The following BCAS3 variants were observed in gnomAD, a reference collection of about 807,000 sequenced individuals.
BCAS3 encodes the protein BCAS3 microtubule associated cell migration factor, also known as BCAS4/BCAS3 fusion.
A neutral mutation model predicts 116.1 loss-of-function variants in BCAS3; 53 were observed. The ratio of observed to expected loss-of-function variants is 0.46; its 90% CI spans 0.37 to 0.57. The LOEUF is 0.57. Among genes scored for constraint, BCAS3 ranks in the 20% least tolerant of loss-of-function variants. The probability of loss-of-function intolerance (pLI) is 0.00; values close to 1 mark genes in which losing one functional copy is unlikely to be tolerated. For synonymous variants in BCAS3, 391 were observed against 408.2 expected, an observed-to-expected ratio of 0.96 and a Z score of 0.51; for missense variants, 917 against 1,165.4, an observed-to-expected ratio of 0.79 and a Z score of 3.10.
At position 61,220,961 on chromosome 17, in the gene BCAS3, A is replaced by G. The variant is rs976899435; in HGVS notation, c.2425+136397A>G. On this transcript the variant is annotated intron_variant, in intron 22 of 23. Coordinates refer to ENST00000407086, the MANE Select transcript of BCAS3 (RefSeq NM_017679.5). This position sits in a 1 kb window ranked among gnomAD's most constrained non-coding sequence, Gnocchi z 4.5. ...TAAAAATACAAAAAATTAGCTGGGC[A>G]TGGTGGCGGGCGCCTGTAGTCCCAG... 6.6e-5 allele frequency among the ~76,000 whole-genome samples: 10 copies of G among 152,222 alleles called. No homozygotes were observed. Among genetic ancestry groups the G allele is most frequent in the Admixed American group, 2.0e-4 (3 of 15,292 alleles).
At chr17:61,090,900 A>G (rs2073504159) in intron 22 of BCAS3, among the ~76,000 whole-genome samples, 1 of 151,972 alleles carries the variant, frequency 6.6e-6, no homozygotes, top group South Asian at 2.1e-4. Flanking sequence ...CGCGATCCAC[A>G]TGCCTCGGCC....
At chr17:61,291,825 C>T (rs1455035601) in intron 22 of BCAS3, among the ~76,000 whole-genome samples, 15 of 152,036 alleles carry the variant, frequency 9.9e-5, no homozygotes, top group South Asian at 2.1e-4. Flanking sequence ...GGTGTGTGCC[C>T]ACTTGCAAGC....
Position 61,333,625 on chromosome 17 carries a change from C to CT in BCAS3, c.2426-34689dup, listed in dbSNP as rs66627370. Among the ~76,000 whole-genome samples the CT allele has an allele frequency of 0.16, 22,637 of 142,468 alleles. 2,919 individuals are homozygous for CT. The highest frequency in any genetic ancestry group is 0.35 in the African/African-American group (13,652 of 38,522). The allele number at this position is 142,468 out of a possible 152,430, so 93.5% of individuals were successfully genotyped here. A position where few individuals can be genotyped will look rare whatever the true frequency, so the allele number is the denominator to read the frequency against. Reference sequence around the variant, plus strand: ...AGTTCTTGAAACTTTCTTTTTTTTTCTTTTTTTTTTTTTGAGACAGAGTCT... The same window carrying CT: ...AGTTCTTGAAACTTTCTTTTTTTTTCTTTTTTTTTTTTTTGAGACAGAGTCT... On this transcript the variant is annotated intron_variant, in intron 22 of 23. Transcript: ENST00000407086. This position sits in a 1 kb window ranked among gnomAD's most constrained non-coding sequence, Gnocchi z 4.8.
intron 23 of BCAS3, among the ~76,000 whole-genome samples, chr17:61,386,250 T>C (rs985160002): frequency 6.6e-6 from 1 of 152,180 alleles, no homozygotes; most frequent in Non-Finnish European, 1.5e-5. Flanking sequence ...TCTTAACCAC[T>C]TCCCTAAACG....
At chr17:61,173,097 A>G (rs1255248591) in intron 22 of BCAS3, among the ~76,000 whole-genome samples, 1 of 152,174 alleles carries the variant, frequency 6.6e-6, no homozygotes. Flanking sequence ...ATCACCAAAT[A>G]TTTGGAACCT....
chr17:60,742,518 C>T (rs1475726504), intron 5 of BCAS3, among the ~76,000 whole-genome samples: 2 of 149,696 alleles, frequency 1.3e-5, no homozygotes, highest in Admixed American at 6.7e-5. Flanking sequence ...CTGCAACTTC[C>T]GCCTCCTGGG....
In BCAS3 at chr17:61,313,005, T is replaced by G. The variant is rs552487970; in HGVS notation, c.2426-55322T>G. Among the ~76,000 whole-genome samples the G allele has an allele frequency of 3.0e-4, 45 of 152,222 alleles. No homozygotes were observed. The highest frequency in any genetic ancestry group is 6.0e-4 in the Non-Finnish European group (41 of 68,034). Reference sequence around the variant, plus strand: ...AGCCTGTGAATAAGCACTTCCCAAGTGCCAGGTACAAAGTTAGACACTTCC... The same window carrying G: ...AGCCTGTGAATAAGCACTTCCCAAGGGCCAGGTACAAAGTTAGACACTTCC... On this transcript the variant is annotated intron_variant, in intron 22 of 23. Transcript: ENST00000407086. The surrounding 1 kb of genome is among the most constrained non-coding windows in gnomAD (Gnocchi z 4.3).
chr17:61,008,159 C>T lies in BCAS3; in HGVS notation c.1487-7592C>T, dbSNP rs766265989. Among the ~76,000 whole-genome samples, 12 of 152,066 alleles carry T rather than the reference C, an allele frequency of 7.9e-5. No homozygotes were observed. Among genetic ancestry groups the T allele is most frequent in the African/African-American group, 2.9e-4 (12 of 41,406 alleles). On this transcript the variant is annotated intron_variant, in intron 15 of 23. Coordinates refer to ENST00000407086, the MANE Select transcript of BCAS3 (RefSeq NM_017679.5). This position sits in a 1 kb window ranked among gnomAD's most constrained non-coding sequence, Gnocchi z 4.6. ...AGTTTGGTATGTGGGTCAGAAGGCA[C>T]TGTTTCTCACCAGGGTGCTGCTGTT...
chr17:60,735,983 C>G (rs1439699427), intron 5 of BCAS3, among the ~76,000 whole-genome samples: 1 of 143,140 alleles, frequency 7.0e-6, no homozygotes, highest in African/African-American at 3.0e-5. Context: ...GTGAGCCATT[C>G]AACATTTTTT....
At chr17:60,796,935 G>T (rs1009719085) in intron 6 of BCAS3, among the ~76,000 whole-genome samples, 1 of 152,030 alleles carries the variant, frequency 6.6e-6, no homozygotes, top group Non-Finnish European at 1.5e-5. Flanking sequence ...AGACAGAGTC[G>T]CGCTCTGTTT....
At chr17:61,335,150 C>T (rs2056621251) in intron 22 of BCAS3, among the ~76,000 whole-genome samples, 1 of 152,240 alleles carries the variant, frequency 6.6e-6, no homozygotes, top group African/African-American at 2.4e-5. Context: ...CAGCAAACTT[C>T]CCTTAGGTTC....
chr17:61,270,027 A>T, intron 22 of BCAS3, among the ~76,000 whole-genome samples: 1 of 147,508 alleles, frequency 6.8e-6, no homozygotes, highest in Non-Finnish European at 1.5e-5. Context: ...CTGGTCTCAA[A>T]CTCCTTGCCT....
intron 5 of BCAS3, among the ~76,000 whole-genome samples, chr17:60,737,988 T>C (rs1243321460): frequency 6.6e-6 from 1 of 152,116 alleles, no homozygotes; most frequent in East Asian, 1.9e-4. Flanking sequence ...GGTTTCACCA[T>C]GTTGGCCAGG....
chr17:61,167,039 G>A (rs1015758433), intron 22 of BCAS3, among the ~76,000 whole-genome samples: 7 of 152,176 alleles, frequency 4.6e-5, no homozygotes, highest in Non-Finnish European at 7.3e-5. Context: ...GAGCTACCAC[G>A]CCCAGCCGAG....
intron 7 of BCAS3, among the ~76,000 whole-genome samples, chr17:60,859,317 G>A (rs6504001): frequency 0.19 from 28,533 of 151,960 alleles, 3,259 homozygotes; most frequent in African/African-American, 0.32. Flanking sequence ...GTACCCGATA[G>A]GTAGTTTTTT....
At position 61,034,234 on chromosome 17, in the gene BCAS3, A is replaced by G. The variant is rs987264203; in HGVS notation, c.1638-432A>G. On this transcript the variant is annotated intron_variant, in intron 16 of 23. Coordinates refer to ENST00000407086, the MANE Select transcript of BCAS3 (RefSeq NM_017679.5). This position sits in a 1 kb window ranked among gnomAD's most constrained non-coding sequence, Gnocchi z 5.0. The stretch of plus-strand genomic sequence containing the variant: ...ATACTGTTAATCCCACATCTTATAG[A>G]TTGGTGCAAAGGCAGTGGCAAAAAC... 1.3e-5 allele frequency among the ~76,000 whole-genome samples: 2 copies of G among 152,226 alleles called. No homozygotes were observed. Among genetic ancestry groups the G allele is most frequent in the Non-Finnish European group, 2.9e-5 (2 of 68,038 alleles).
intron 22 of BCAS3, among the ~76,000 whole-genome samples, chr17:61,152,844 A>T (rs559807125): frequency 6.6e-6 from 1 of 152,170 alleles, no homozygotes; most frequent in Non-Finnish European, 1.5e-5. Flanking sequence ...ACTGGGGCAA[A>T]GGATCTAAAA....
chr17:61,329,788 C>T (rs1319171054), intron 22 of BCAS3, among the ~76,000 whole-genome samples: 1 of 79,530 alleles, frequency 1.3e-5, no homozygotes, highest in Admixed American at 1.2e-4. Context: ...TCGTCCTCGG[C>T]GCTCACCTCC....
chr17:60,806,752 T>C (rs998853902), intron 6 of BCAS3, among the ~76,000 whole-genome samples: 2 of 151,988 alleles, frequency 1.3e-5, no homozygotes, highest in Non-Finnish European at 2.9e-5. Context: ...GATACAGAGT[T>C]TTGCCCTGTC....
Sources: gnomAD v4.1 joint callset for allele counts (sites outside exome capture counted in the v4.1 genomes callset) on GRCh38, gnomAD v4.1.1 for gene constraint, Gnocchi (gnomAD v3.1) non-coding constraint, MANE v1.5 for transcripts, NCBI Gene and HGNC (gene_info 2026-07-23, HGNC 2026-07-21) for gene names.